Variants in DLC1 observed in about 807,000 individuals in gnomAD.
DLC1 encodes the protein DLC1 Rho GTPase activating protein, also known as rho GTPase-activating protein 7.
A neutral mutation model predicts 140.3 loss-of-function variants in DLC1; 54 were observed. The observed-to-expected ratio is 0.38, with a 90% confidence interval of 0.31 to 0.48. The LOEUF is 0.48. Among genes scored for constraint, DLC1 ranks in the 20% least tolerant of loss-of-function variants. DLC1 has a pLI of 0.96. For missense variants in DLC1, 2,536 were observed against 1,907.0 expected, an observed-to-expected ratio of 1.33 and a Z score of -6.14; for synonymous variants, 986 against 728.1, an observed-to-expected ratio of 1.35 and a Z score of -5.70.
chr8:13,456,456 T>A (rs1799394102), intron 2 of DLC1, among the ~76,000 whole-genome samples: 1 of 151,832 alleles, frequency 6.6e-6, no homozygotes, highest in Non-Finnish European at 1.5e-5. Flanking sequence ...CTTTTTTATT[T>A]TTTTTTTTAT....
intron 4 of DLC1, among the ~76,000 whole-genome samples, chr8:13,307,168 A>G (rs564632060): frequency 1.0e-3 from 156 of 151,494 alleles, no homozygotes; most frequent in African/African-American, 3.7e-3. Flanking sequence ...ATTTTGACTC[A>G]ATCTCAATCT....
intron 5 of DLC1, among the ~76,000 whole-genome samples, chr8:13,205,445 G>A (rs781589429): frequency 1.2e-4 from 19 of 152,188 alleles, no homozygotes; most frequent in East Asian, 9.7e-4. Context: ...TTGTGGTTCC[G>A]CGGCATAAAT....
Position 13,137,765 on chromosome 8 carries a change from C to G in DLC1, c.1349-22108G>C, listed in dbSNP as rs75894176. On this transcript the variant is annotated intron_variant, in intron 5 of 17. Transcript: ENST00000276297. ...GGCACCTGCCACCACGCCTGGCTAC[C>G]TTTTATATTTTTAGAAGCAATGGGG... Among the ~76,000 whole-genome samples the G allele has an allele frequency of 7.0e-3, 1,055 of 151,544 alleles. 9 individuals are homozygous for G. Among genetic ancestry groups the G allele is most frequent in the African/African-American group, 0.022 (912 of 41,338 alleles).
chr8:13,353,102 C>T (rs1834750146), intron 4 of DLC1, among the ~76,000 whole-genome samples: 2 of 152,000 alleles, frequency 1.3e-5, no homozygotes, highest in Non-Finnish European at 2.9e-5. Context: ...CATAATTAAC[C>T]TGAAAGGTGG....
At chr8:13,145,128 T>C (rs1243390850) in intron 5 of DLC1, among the ~76,000 whole-genome samples, 6 of 152,138 alleles carry the variant, frequency 3.9e-5, no homozygotes, top group Non-Finnish European at 7.3e-5. Context: ...AATTTTAAAA[T>C]TCCAAATGAT....
intron 5 of DLC1, among the ~76,000 whole-genome samples, chr8:13,211,761 G>A (rs552004515): frequency 6.6e-6 from 1 of 152,208 alleles, no homozygotes; most frequent in Non-Finnish European, 1.5e-5. Context: ...GAAATGATTT[G>A]TTACAGCATG....
chr8:13,090,624 GT>G (rs1563567670), intron 14 of DLC1, among the ~76,000 whole-genome samples, 154 bp from the exon 15 acceptor site: 1 of 152,126 alleles, frequency 6.6e-6, no homozygotes, highest in African/African-American at 2.4e-5. Context: ...CTGACCGCAC[GT>G]GTTATCACGA....
At chr8:13,153,625 G>A (rs1824012106) in intron 5 of DLC1, among the ~76,000 whole-genome samples, 1 of 152,152 alleles carries the variant, frequency 6.6e-6, no homozygotes, top group African/African-American at 2.4e-5. Context: ...GTGCTGATTG[G>A]TGCGTTTACA....
intron 2 of DLC1, among the ~76,000 whole-genome samples, chr8:13,463,973 A>C (rs1054716661): frequency 6.6e-6 from 1 of 152,212 alleles, no homozygotes; most frequent in Non-Finnish European, 1.5e-5. Context: ...TAAAAAGAAG[A>C]GAGAAAAAGA....
At chr8:13,139,288 C>CAAAAAAAAAAAAAAAAAAAAAAA (rs67684524) in intron 5 of DLC1, among the ~76,000 whole-genome samples, 1 of 49,288 alleles carries the variant, frequency 2.0e-5, no homozygotes, top group Non-Finnish European at 3.7e-5. Flanking sequence ...GACCCTGTCT[C>CAAAAAAAAAAAAAAAAAAAAAAA]AAAAAAAAAA....
intron 4 of DLC1, among the ~76,000 whole-genome samples, chr8:13,356,670 T>G (rs1250044588): frequency 6.6e-6 from 1 of 152,148 alleles, no homozygotes; most frequent in Non-Finnish European, 1.5e-5. Flanking sequence ...AAGTCAGCAA[T>G]TGGCCTCCAC....
chr8:13,276,386 C>G, intron 5 of DLC1: 1 of 1,504,294 alleles, frequency 6.6e-7, no homozygotes, highest in Non-Finnish European at 8.8e-7. Context: ...TCACGTGGGC[C>G]TTGGGGTCCC....
At chr8:13,480,322 A>C (rs1177832079) in intron 2 of DLC1, among the ~76,000 whole-genome samples, 1 of 152,236 alleles carries the variant, frequency 6.6e-6, no homozygotes, top group Non-Finnish European at 1.5e-5. Context: ...CAGAAAAATA[A>C]GAATATAAGA....
At chr8:13,386,278 T>C (rs879910381) in intron 4 of DLC1, among the ~76,000 whole-genome samples, 1 of 152,196 alleles carries the variant, frequency 6.6e-6, no homozygotes, top group Non-Finnish European at 1.5e-5. Context: ...TGTTCATTTT[T>C]TCCCGTATTT....
chr8:13,273,394 G>A (rs950179348), intron 5 of DLC1, among the ~76,000 whole-genome samples: 1 of 152,190 alleles, frequency 6.6e-6, no homozygotes, highest in East Asian at 1.9e-4. Flanking sequence ...GTACCTTGGG[G>A]TTGGGAATAA....
At chr8:13,145,980 C>T (rs2128974132) in intron 5 of DLC1, among the ~76,000 whole-genome samples, 1 of 152,154 alleles carries the variant, frequency 6.6e-6, no homozygotes, top group Non-Finnish European at 1.5e-5. Context: ...ATCATAGTCT[C>T]TTAAAATATA....
At chr8:13,595,621 T>C (rs1409968080) in intron 1 of DLC1, among the ~76,000 whole-genome samples, 1 of 152,014 alleles carries the variant, frequency 6.6e-6, no homozygotes, top group Non-Finnish European at 1.5e-5. Flanking sequence ...CAGTTTCGAC[T>C]CTTATTGAGT....
At chr8:13,299,679 A>C (rs77793842) in intron 5 of DLC1, among the ~76,000 whole-genome samples, 13,054 of 152,120 alleles carry the variant, frequency 0.086, 634 homozygotes, top group South Asian at 0.17. Context: ...TATCAGAAGT[A>C]TATCAGTGAG....
chr8:13,520,608 A>G (rs1802734659), intron 1 of DLC1, among the ~76,000 whole-genome samples: 2 of 152,308 alleles, frequency 1.3e-5, no homozygotes, highest in South Asian at 4.1e-4. Context: ...GTAACCCAGA[A>G]CTTAAAGTAT....
Sources: gnomAD v4.1 joint callset for allele counts (sites outside exome capture counted in the v4.1 genomes callset) on GRCh38, gnomAD v4.1.1 for gene constraint, MANE v1.5 for transcripts, NCBI Gene and HGNC (gene_info 2026-07-23, HGNC 2026-07-21) for gene names.